Variants in SOWAHC observed in about 807,000 individuals in gnomAD.
The protein encoded by SOWAHC is ankyrin repeat domain-containing protein SOWAHC.
SOWAHC carries 12 observed loss-of-function variants against 14.4 expected under a neutral mutation model. The ratio of observed to expected loss-of-function variants is 0.83; its 90% CI spans 0.53 to 1.35. The LOEUF is 1.35. SOWAHC is among the 40% of genes most tolerant of loss of function. The probability of loss-of-function intolerance (pLI) is 0.00; values close to 1 mark genes in which losing one functional copy is unlikely to be tolerated. For synonymous variants in SOWAHC, 398 were observed against 347.0 expected (o/e 1.15, Z -1.63); for missense variants, 771 against 752.8 (o/e 1.02, Z -0.28).
rs1469837972 is a variant in SOWAHC, at chr2:109,614,852, G to C, written c.363G>C (p.Ala121=). The change falls in exon 1 of 1, where the codon GCG becomes GCC. Residue 121 remains alanine, a synonymous_variant. Transcript: ENST00000356454. ...GPEARDRLPD[A]AAPESLPGQG... is the part of the protein sequence containing the mutation. The stretch of plus-strand genomic sequence containing the variant: ...AGGCGCGCGATCGGCTCCCCGACGC[G>C]GCGGCCCCGGAGTCGCTCCCTGGAC... 2.8e-5 allele frequency: 39 copies of C among 1,399,804 alleles called. No homozygotes were observed. The highest frequency in any genetic ancestry group is 3.5e-5 in the Non-Finnish European group (38 of 1,087,488). 86.7% of individuals were successfully genotyped at this position (1,399,804 alleles called of 1,614,324 possible).
Position 109,615,155 on chromosome 2 carries a change from CG to C in SOWAHC, c.671del (p.Gly224AlafsTer39), listed in dbSNP as rs1207858455. On this transcript the variant is annotated frameshift_variant, in exon 1 of 1. Transcript: ENST00000356454. LOFTEE classifies it low-confidence loss of function (END_TRUNC). ...SPQLKRSVCP[G>X]GSSPGSSSGG... is the part of the protein sequence containing the mutation. ...CGCAGCTGAAGAGGAGCGTGTGTCC[CG>C]GGGGCAGCAGCCCGGGCAGCTCCTC... is the stretch of plus-strand genomic sequence containing the variant. 6.5e-7 allele frequency: 1 copy of C among 1,549,348 alleles called. No homozygotes were observed. The highest frequency in any genetic ancestry group is 8.7e-7 in the Non-Finnish European group (1 of 1,146,772).
rs780977597 is a variant in SOWAHC, at chr2:109,615,605, C to T, written c.1116C>T (p.Asp372=). 15 of 1,613,592 alleles carry T rather than the reference C, an allele frequency of 9.3e-6. No homozygotes were observed. Among genetic ancestry groups the T allele is most frequent in the South Asian group, 6.6e-5 (6 of 91,070 alleles). ...ACGACGCCGATGTGGACATCAGGGA[C>T]TACAGTGGGAAAAAGGCCTCCCAGT... is the stretch of plus-strand genomic sequence containing the variant. ...GAYDADVDIR[D]YSGKKASQYL... Residue 372 remains aspartate (D), a synonymous_variant, in exon 1 of 1, where the codon GAC becomes GAT. Transcript: ENST00000356454.
At position 109,614,501 on chromosome 2, in the gene SOWAHC, G is replaced by C; in HGVS notation, c.12G>C (p.Pro4=). MEG[P]AEWGPEAALG... The stretch of plus-strand genomic sequence containing the variant: ...CAGCGCGGTCGAGGATGGAGGGGCC[G>C]GCAGAGTGGGGCCCCGAGGCGGCGC... Residue 4 remains proline (P), a synonymous_variant, in exon 1 of 1, where the codon CCG becomes CCC. Transcript: ENST00000356454. 1 of 1,248,572 alleles carries C rather than the reference G, an allele frequency of 8.0e-7. No homozygotes were observed. The highest frequency in any genetic ancestry group is 1.6e-5 in the African/African-American group (1 of 63,860). 77.3% of individuals were successfully genotyped at this position (1,248,572 alleles called of 1,614,324 possible).
rs1451132520 is a variant in SOWAHC, at chr2:109,614,574, G to A, written c.85G>A (p.Ala29Thr). The A allele has an allele frequency of 1.5e-5, 21 of 1,389,204 alleles. No individual in the cohort carries two copies. The highest frequency in any genetic ancestry group is 2.0e-5 in the Non-Finnish European group (21 of 1,074,704). The allele number at this position is 1,389,204 out of a possible 1,614,324, so 86.1% of individuals were successfully genotyped here. Residue 29 changes from alanine (A) to threonine (T), a missense_variant, in exon 1 of 1, where the codon GCC becomes ACC. Transcript: ENST00000356454. ...LRFLAERGGR[A>T]LHAELVQHFR... ...CTTCCTGGCGGAGCGCGGGGGCCGG[G>A]CCCTGCACGCCGAGCTGGTGCAGCA...
At position 109,614,830 on chromosome 2, in the gene SOWAHC, C is replaced by T. The variant is rs949640218; in HGVS notation, c.341C>T (p.Ala114Val). 1.4e-6 allele frequency: 2 copies of T among 1,428,018 alleles called. No individual in the cohort carries two copies. Among genetic ancestry groups the T allele is most frequent in the Admixed American group, 3.1e-5 (1 of 32,732 alleles). The allele number at this position is 1,428,018 out of a possible 1,614,324, so 88.5% of individuals were successfully genotyped here. The change falls in exon 1 of 1, where the codon GCG becomes GTG. Residue 114 changes from alanine to valine, a missense_variant. Ala to Val is a moderately conservative substitution (Grantham distance 64). Transcript: ENST00000356454. ...CCCGACGGCCCTGCCGGGCCCGAGG[C>T]GCGCGATCGGCTCCCCGACGCGGCG... ...EAPDGPAGPE[A>V]RDRLPDAAAP...
At position 109,618,132 on chromosome 2, in the gene SOWAHC, C is replaced by T. The variant is rs1700173315; in HGVS notation, c.*2065C>T. 6.0e-6 allele frequency: 1 copy of T among 166,862 alleles called. No individual in the cohort carries two copies. The highest frequency in any genetic ancestry group is 2.1e-4 in the South Asian group (1 of 4,826). 10.3% of individuals were successfully genotyped at this position (166,862 alleles called of 1,614,324 possible). A position where few individuals can be genotyped will look rare whatever the true frequency, so the allele number is the denominator to read the frequency against. On this transcript the variant is annotated 3_prime_UTR_variant, in exon 1 of 1. Transcript: ENST00000356454. ...GGTGTAAATTTGAGAAGCACTTATG[C>T]ATACATGTGGGTGAAAAACCAATCT...
In SOWAHC at chr2:109,615,754, A is replaced by G; in HGVS notation, c.1265A>G (p.His422Arg). The G allele has an allele frequency of 6.2e-7, 1 of 1,614,074 alleles. No individual in the cohort carries two copies. The highest frequency in any genetic ancestry group is 8.5e-7 in the Non-Finnish European group (1 of 1,180,024). Residue 422 changes from histidine (H) to arginine (R), a missense_variant, in exon 1 of 1, where the codon CAT becomes CGT. By Grantham distance (29) the His-to-Arg change is conservative (BLOSUM62 0). Coordinates refer to ENST00000356454, the MANE Select transcript of SOWAHC (RefSeq NM_023016.4). ...AGGCTTTCAAAGGTGCTTCCCTCGC[A>G]TCTCATCACCTACAAACTCTCACAC... Reference protein sequence around the residue: ...RWRLSKVLPSHLITYKLSHAL... With the variant: ...RWRLSKVLPSRLITYKLSHAL...
rs748417031 is a variant in SOWAHC at position 109,614,633 on chromosome 2, G to GCGCGCC, written c.156_161dup (p.Arg53_Ala54dup). ...GCGCCCTAGGCGGCGAACCGGAGCA[G>GCGCGCC]CGCGCCCGCGCCCGCGCGCACTTCA... is the stretch of plus-strand genomic sequence containing the variant. On this transcript the variant is annotated inframe_insertion, in exon 1 of 1. Transcript: ENST00000356454. 1.6e-4 allele frequency: 238 copies of GCGCGCC among 1,465,996 alleles called. 1 individual carries two copies. The highest frequency in any genetic ancestry group is 3.4e-4 in the Admixed American group (14 of 41,344). The allele number at this position is 1,465,996 out of a possible 1,614,324, so 90.8% of individuals were successfully genotyped here.
chr2:109,614,757 C>A lies in SOWAHC; in HGVS notation c.268C>A (p.Pro90Thr). The stretch of plus-strand genomic sequence containing the variant: ...GAGGTTCTGTGAAGGGCCGTCCGAG[C>A]CCTCCGGGGACCCGCCGCGAATCCA... ...KKRFCEGPSE[P>T]SGDPPRIQVT... The change falls in exon 1 of 1, where the codon CCC becomes ACC. Residue 90 changes from proline to threonine, a missense_variant. Coordinates refer to ENST00000356454, the MANE Select transcript of SOWAHC (RefSeq NM_023016.4). The A allele has an allele frequency of 6.7e-7, 1 of 1,481,616 alleles. No individual in the cohort carries two copies. Among genetic ancestry groups the A allele is most frequent in the Non-Finnish European group, 8.9e-7 (1 of 1,121,296 alleles). 91.8% of individuals were successfully genotyped at this position (1,481,616 alleles called of 1,614,324 possible).
In SOWAHC at chr2:109,614,910, G is replaced by A; in HGVS notation, c.421G>A (p.Ala141Thr). ...CGAGCTGGGCGAGGGAGAGCCCCCC[G>A]CCCCCGCGCACTGGCCGCCCCTGAG... is the stretch of plus-strand genomic sequence containing the variant. ...GRELGEGEPP[A>T]PAHWPPLSAG... The change falls in exon 1 of 1, where the codon GCC becomes ACC. Residue 141 changes from alanine (A) to threonine (T), a missense_variant. By Grantham distance (58) the Ala-to-Thr change is moderately conservative (BLOSUM62 0). Transcript: ENST00000356454. 3 of 1,451,564 alleles carry A rather than the reference G, an allele frequency of 2.1e-6. No individual in the cohort carries two copies. The highest frequency in any genetic ancestry group is 2.7e-6 in the Non-Finnish European group (3 of 1,111,914). 89.9% of individuals were successfully genotyped at this position (1,451,564 alleles called of 1,614,324 possible). A position where few individuals can be genotyped will look rare whatever the true frequency, so the allele number is the denominator to read the frequency against.
Position 109,616,575 on chromosome 2 carries a change from G to A in SOWAHC, c.*508G>A, listed in dbSNP as rs557670850. On this transcript the variant is annotated 3_prime_UTR_variant, in exon 1 of 1. Coordinates refer to ENST00000356454, the MANE Select transcript of SOWAHC (RefSeq NM_023016.4). Reference sequence around the variant, plus strand: ...ATTTGCATTTTAAGGTACTACTGAAGGTCAGATCAAAGTTGAAATGCAAAA... The same window carrying A: ...ATTTGCATTTTAAGGTACTACTGAAAGTCAGATCAAAGTTGAAATGCAAAA... The A allele has an allele frequency of 6.0e-6, 1 of 167,178 alleles. No individual in the cohort carries two copies. The highest frequency in any genetic ancestry group is 1.9e-4 in the East Asian group (1 of 5,190). 10.4% of individuals were successfully genotyped at this position (167,178 alleles called of 1,614,324 possible).
rs751995578 is a variant in SOWAHC, at chr2:109,615,209, C to T, written c.720C>T (p.Gly240=). The T allele has an allele frequency of 1.3e-6, 2 of 1,545,792 alleles. No homozygotes were observed. The highest frequency in any genetic ancestry group is 3.9e-5 in the Admixed American group (2 of 50,932). Residue 240 remains glycine (G), a synonymous_variant, in exon 1 of 1, where the codon GGC becomes GGT. Transcript: ENST00000356454. ...GGGGAGGACGCGGCAGAGGCGGGGGCGACTCAGACAGCGCATCGGTGGCCT... is the reference window on the plus strand; with the variant it reads ...GGGGAGGACGCGGCAGAGGCGGGGGTGACTCAGACAGCGCATCGGTGGCCT... The part of the protein sequence containing the change: ...SSGGGRGRGG[G]DSDSASVASS...
rs761216764 is a variant in SOWAHC, at chr2:109,616,044, C to A, written c.1555C>A (p.Pro519Thr). Residue 519 changes from proline (P) to threonine (T), a missense_variant, in exon 1 of 1, where the codon CCA becomes ACA. Coordinates refer to ENST00000356454, the MANE Select transcript of SOWAHC (RefSeq NM_023016.4). ...AGGCCACTCGCCCTTCACATTGAGACCAAAGTCCAATGTATTTGGGTAAAA... is the reference window on the plus strand; with the variant it reads ...AGGCCACTCGCCCTTCACATTGAGAACAAAGTCCAATGTATTTGGGTAAAA... ...VKGHSPFTLR[P>T]KSNVFG is the part of the protein sequence containing the mutation. 9 of 1,512,264 alleles carry A rather than the reference C, an allele frequency of 6.0e-6. No individual in the cohort carries two copies. The South Asian group carries it at 1.2e-4, about 21-fold the overall frequency. 93.7% of individuals were successfully genotyped at this position (1,512,264 alleles called of 1,614,324 possible).
Position 109,614,406 on chromosome 2 carries a change from C to T in SOWAHC, c.-84C>T, listed in dbSNP as rs374818848. On this transcript the variant is annotated 5_prime_UTR_variant, in exon 1 of 1. Coordinates refer to ENST00000356454, the MANE Select transcript of SOWAHC (RefSeq NM_023016.4). ...GCCCGCTGAGCCCGCCAGACTCCGC[C>T]GCCGTCGGGAGCCGGCCGCTGGGAG... The T allele has an allele frequency of 2.0e-5, 21 of 1,040,566 alleles. No individual in the cohort carries two copies. The highest frequency in any genetic ancestry group is 3.7e-4 in the Middle Eastern group (1 of 2,694). 64.5% of individuals were successfully genotyped at this position (1,040,566 alleles called of 1,614,324 possible).
In SOWAHC at chr2:109,618,904, G is replaced by A. The variant is rs1056834159; in HGVS notation, c.*2837G>A. On this transcript the variant is annotated 3_prime_UTR_variant, in exon 1 of 1. Transcript: ENST00000356454. Reference sequence around the variant, plus strand: ...GCAATCTTGGAGTCTAGGTTGCCTTGTCTCTCCTATTTTTAAATAAGTGAA... The same window carrying A: ...GCAATCTTGGAGTCTAGGTTGCCTTATCTCTCCTATTTTTAAATAAGTGAA... 2.4e-5 allele frequency: 4 copies of A among 166,968 alleles called. No homozygotes were observed. The highest frequency in any genetic ancestry group is 6.5e-5 in the Admixed American group (1 of 15,268). The allele number at this position is 166,968 out of a possible 1,614,324, so 10.3% of individuals were successfully genotyped here.
Position 109,618,028 on chromosome 2 carries a change from A to G in SOWAHC, c.*1961A>G, listed in dbSNP as rs1256307557. Reference sequence around the variant, plus strand: ...GAGACTCTGTCTCAAAAAAAAAAAAAAAAAAGATGAATGAAAATATGAAAT... The same window carrying G: ...GAGACTCTGTCTCAAAAAAAAAAAAGAAAAAGATGAATGAAAATATGAAAT... On this transcript the variant is annotated 3_prime_UTR_variant, in exon 1 of 1. Coordinates refer to ENST00000356454, the MANE Select transcript of SOWAHC (RefSeq NM_023016.4). 1 of 166,904 alleles carries G rather than the reference A, an allele frequency of 6.0e-6. No homozygotes were observed. The highest frequency in any genetic ancestry group is 1.5e-5 in the Non-Finnish European group (1 of 68,078). 10.3% of individuals were successfully genotyped at this position (166,904 alleles called of 1,614,324 possible). A position where few individuals can be genotyped will look rare whatever the true frequency, so the allele number is the denominator to read the frequency against.
At position 109,614,585 on chromosome 2, in the gene SOWAHC, C is replaced by T. The variant is rs533846532; in HGVS notation, c.96C>T (p.Ala32=). 7.1e-7 allele frequency: 1 copy of T among 1,410,764 alleles called. No homozygotes were observed. 87.4% of individuals were successfully genotyped at this position (1,410,764 alleles called of 1,614,324 possible). A position where few individuals can be genotyped will look rare whatever the true frequency, so the allele number is the denominator to read the frequency against. The part of the protein sequence containing the change: ...LAERGGRALH[A]ELVQHFRGAL... The stretch of plus-strand genomic sequence containing the variant: ...AGCGCGGGGGCCGGGCCCTGCACGC[C>T]GAGCTGGTGCAGCACTTCAGGGGCG... The change falls in exon 1 of 1, where the codon GCC becomes GCT. Residue 32 remains alanine (A), a synonymous_variant. Coordinates refer to ENST00000356454, the MANE Select transcript of SOWAHC (RefSeq NM_023016.4).
rs1700160601 is a variant in SOWAHC, at chr2:109,617,015, C to T, written c.*948C>T. The T allele has an allele frequency of 6.0e-6, 1 of 166,976 alleles. No homozygotes were observed. Among genetic ancestry groups the T allele is most frequent in the African/African-American group, 2.4e-5 (1 of 41,454 alleles). The allele number at this position is 166,976 out of a possible 1,614,324, so 10.3% of individuals were successfully genotyped here. A position where few individuals can be genotyped will look rare whatever the true frequency, so the allele number is the denominator to read the frequency against. ...CTTAGAGCTGAATTACCTACAGAAA[C>T]TGTTTCTGGTTTAAATAATTAGCAC... On this transcript the variant is annotated 3_prime_UTR_variant, in exon 1 of 1. Transcript: ENST00000356454.
rs1700028263 is a variant in SOWAHC at position 109,614,791 on chromosome 2, C to G, written c.302C>G (p.Ala101Gly). Reference protein sequence around the residue: ...SGDPPRIQVTAEPEAPDGPAG... With the variant: ...SGDPPRIQVTGEPEAPDGPAG... ...GACCCGCCGCGAATCCAGGTGACCG[C>G]CGAGCCCGAGGCCCCCGACGGCCCT... Residue 101 changes from alanine (A) to glycine (G), a missense_variant, in exon 1 of 1, where the codon GCC becomes GGC. Coordinates refer to ENST00000356454, the MANE Select transcript of SOWAHC (RefSeq NM_023016.4). 1 of 1,474,088 alleles carries G rather than the reference C, an allele frequency of 6.8e-7. No individual in the cohort carries two copies. The highest frequency in any genetic ancestry group is 1.3e-5 in the South Asian group (1 of 78,132). 91.3% of individuals were successfully genotyped at this position (1,474,088 alleles called of 1,614,324 possible). A position where few individuals can be genotyped will look rare whatever the true frequency, so the allele number is the denominator to read the frequency against.
Sources: allele counts gnomAD v4.1 joint callset, GRCh38; gene constraint gnomAD v4.1.1; transcripts MANE v1.5; gene names NCBI Gene and HGNC (gene_info 2026-07-23, HGNC 2026-07-21).